Variants in CDH12 observed in about 807,000 individuals in gnomAD.
CDH12 encodes the protein cadherin-12.
Under a neutral mutation model 74.1 loss-of-function variants are expected in CDH12, and 41 were observed. The ratio of observed to expected loss-of-function variants is 0.55; its 90% CI spans 0.43 to 0.72. The LOEUF is 0.72. Among genes scored for constraint, CDH12 ranks in the 30% least tolerant of loss-of-function variants. The pLI is 0.00. For synonymous variants in CDH12, 399 were observed against 355.0 expected, an observed-to-expected ratio of 1.12 and a Z score of -1.39; for missense variants, 945 against 977.2, an observed-to-expected ratio of 0.97 and a Z score of 0.44.
chr5:21,921,042 T>C (rs185488868), intron 6 of CDH12, among the ~76,000 whole-genome samples: 3 of 152,216 alleles, frequency 2.0e-5, no homozygotes, highest in Admixed American at 2.0e-4. Context: ...CAGAAAAACC[T>C]TTTCCTCTAA....
chr5:21,869,815 A>G lies in CDH12; in HGVS notation c.527-15025T>C, dbSNP rs543712578. On this transcript the variant is annotated intron_variant, in intron 6 of 14. Transcript: ENST00000382254. ...AAATGCATATGGGTGCCAAGTTAAT[A>G]AGGGTTGGATTTGTGATGGTTAATT... Among the ~76,000 whole-genome samples the G allele has an allele frequency of 5.9e-5, 9 of 152,298 alleles. No homozygotes were observed. The South Asian group carries it at 1.9e-3, about 32-fold the overall frequency.
At chr5:22,664,786 G>C (rs920082613) in intron 1 of CDH12, among the ~76,000 whole-genome samples, 1 of 152,066 alleles carries the variant, frequency 6.6e-6, no homozygotes, top group Non-Finnish European at 1.5e-5. Flanking sequence ...TATAGACGTA[G>C]ATTTCAAAAC....
chr5:22,747,355 G>A (rs915078651), intron 1 of CDH12, among the ~76,000 whole-genome samples: 1 of 151,670 alleles, frequency 6.6e-6, no homozygotes, highest in South Asian at 2.1e-4. Flanking sequence ...CAGGTGTAGT[G>A]GCTCACACCT....
chr5:22,535,264 C>T (rs1043165855), intron 1 of CDH12, among the ~76,000 whole-genome samples: 1 of 150,058 alleles, frequency 6.7e-6, no homozygotes, highest in Non-Finnish European at 1.5e-5. Flanking sequence ...ACGCCATTCT[C>T]CTACTTCAGC....
intron 6 of CDH12, among the ~76,000 whole-genome samples, chr5:21,960,212 C>T (rs1401939165): frequency 6.6e-5 from 10 of 152,142 alleles, no homozygotes; most frequent in Middle Eastern, 6.3e-3. Context: ...ACAGAACTCT[C>T]CATCCAAAAA....
At chr5:22,449,766 T>C (rs537998986) in intron 2 of CDH12, among the ~76,000 whole-genome samples, 1 of 152,158 alleles carries the variant, frequency 6.6e-6, no homozygotes, top group South Asian at 2.1e-4. Context: ...CTCTTTTTTA[T>C]ATGCAGTAGA....
intron 1 of CDH12, among the ~76,000 whole-genome samples, chr5:22,722,942 T>C (rs1027508935): frequency 1.3e-5 from 2 of 152,168 alleles, no homozygotes; most frequent in African/African-American, 4.8e-5. Context: ...ACAGAATTTA[T>C]GTAAAATATC....
chr5:22,153,891 T>A lies in CDH12; in HGVS notation c.-187+58607A>T, dbSNP rs10473576. The stretch of plus-strand genomic sequence containing the variant: ...ATATATGTATATATATATATATAAA[T>A]ATATATATATATACACACACATACA... On this transcript the variant is annotated intron_variant, in intron 4 of 14. Transcript: ENST00000382254. Among the ~76,000 whole-genome samples, 298 of 32,050 alleles carry A rather than the reference T, an allele frequency of 9.3e-3. 1 individual carries two copies. The highest frequency in any genetic ancestry group is 0.029 in the Middle Eastern group (1 of 34). 21.0% of individuals were successfully genotyped at this position (32,050 alleles called of 152,430 possible).
At chr5:22,105,704 A>C (rs1300529935) in intron 4 of CDH12, among the ~76,000 whole-genome samples, 1 of 151,184 alleles carries the variant, frequency 6.6e-6, no homozygotes, top group Admixed American at 6.6e-5. Context: ...TTAAAAAATA[A>C]AATAAAATAA....
At chr5:22,610,037 C>A (rs907299778) in intron 1 of CDH12, among the ~76,000 whole-genome samples, 1 of 152,220 alleles carries the variant, frequency 6.6e-6, no homozygotes, top group African/African-American at 2.4e-5. Context: ...GGGCAAATTG[C>A]TAAACTACAA....
At chr5:22,653,746 T>C (rs1739863105) in intron 1 of CDH12, among the ~76,000 whole-genome samples, 1 of 152,154 alleles carries the variant, frequency 6.6e-6, no homozygotes, top group African/African-American at 2.4e-5. Context: ...TCCCATAACA[T>C]CCTCTGGATA....
intron 1 of CDH12, among the ~76,000 whole-genome samples, chr5:22,714,420 C>T (rs1261441729): frequency 1.3e-5 from 2 of 152,086 alleles, no homozygotes; most frequent in Non-Finnish European, 2.9e-5. Flanking sequence ...TGATCACCAG[C>T]CTCTTTCAGC....
At chr5:21,901,211 T>C (rs1456327728) in intron 6 of CDH12, among the ~76,000 whole-genome samples, 1 of 152,136 alleles carries the variant, frequency 6.6e-6, no homozygotes, top group Non-Finnish European at 1.5e-5. Context: ...GGTCAACATA[T>C]AAAGTTCAAT....
At chr5:22,608,405 T>C (rs1737227567) in intron 1 of CDH12, among the ~76,000 whole-genome samples, 1 of 152,182 alleles carries the variant, frequency 6.6e-6, no homozygotes, top group Non-Finnish European at 1.5e-5. Context: ...AACAGGTGCA[T>C]TTACCCAATG....
Position 22,122,708 on chromosome 5 carries a change from C to T in CDH12, c.-186-43846G>A, listed in dbSNP as rs748426544. 1.9e-4 allele frequency among the ~76,000 whole-genome samples: 29 copies of T among 152,194 alleles called. 1 individual carries two copies. Among genetic ancestry groups the T allele is most frequent in the Admixed American group, 2.6e-4 (4 of 15,284 alleles). ...CATTTGAATTGGTAGAATGAGCAGG[C>T]AGATTGCCTGTTGCAATGTGAGTGG... On this transcript the variant is annotated intron_variant, in intron 4 of 14. Coordinates refer to ENST00000382254, the MANE Select transcript of CDH12 (RefSeq NM_004061.5).
chr5:22,639,325 T>C (rs1739014131), intron 1 of CDH12, among the ~76,000 whole-genome samples: 2 of 151,948 alleles, frequency 1.3e-5, no homozygotes. Flanking sequence ...TTCCAAGTTA[T>C]ATAGAGCTAT....
intron 6 of CDH12, among the ~76,000 whole-genome samples, chr5:21,857,989 G>C (rs1750840878): frequency 6.6e-6 from 1 of 151,272 alleles, no homozygotes; most frequent in South Asian, 2.1e-4. Flanking sequence ...GAGAGAGAGA[G>C]ACAGAGAGAG....
chr5:22,830,446 G>T (rs1289078973), intron 1 of CDH12, among the ~76,000 whole-genome samples: 1 of 151,774 alleles, frequency 6.6e-6, no homozygotes, highest in Non-Finnish European at 1.5e-5. Flanking sequence ...ATTGACTTGA[G>T]TTATCTGGAT....
At chr5:22,657,706 A>G (rs550171945) in intron 1 of CDH12, among the ~76,000 whole-genome samples, 1 of 152,318 alleles carries the variant, frequency 6.6e-6, no homozygotes, top group East Asian at 1.9e-4. Flanking sequence ...TTATAACAGA[A>G]TTTCCCAAAG....
Sources: allele counts gnomAD v4.1 joint callset (sites outside exome capture counted in the v4.1 genomes callset), GRCh38; gene constraint gnomAD v4.1.1; transcripts MANE v1.5; gene names NCBI Gene and HGNC (gene_info 2026-07-23, HGNC 2026-07-21).